The following NSD2 variants were observed in gnomAD, a reference collection of about 807,000 sequenced individuals.
NSD2 encodes the protein histone-lysine N-methyltransferase NSD2.
NSD2 carries 12 observed loss-of-function variants against 139.0 expected under a neutral mutation model. The ratio of observed to expected loss-of-function variants is 0.09; its 90% CI spans 0.06 to 0.14. NSD2 has a LOEUF of 0.14. NSD2 is among the 10% of genes least tolerant of loss of function. NSD2 has a pLI of 1.00. For missense variants in NSD2, 1,155 were observed against 1,745.0 expected (o/e 0.66, Z 6.02); for synonymous variants, 669 against 648.7 (o/e 1.03, Z -0.48).
rs1235457134 is a variant in NSD2, at chr4:1,953,386, C to A, written c.2200C>A (p.Gln734Lys). ...KTDVKRCVVT[Q>K]CGKFYHEACV... ...AGATGTTAAGCGCTGTGTGGTAACT[C>A]AGTGTGGAAAATTTTACCATGAGGC... Residue 734 changes from glutamine (Q) to lysine (K), a missense_variant, in exon 12 of 22, where the codon CAG (glutamine) becomes AAG (lysine). Physicochemically the swap from Gln to Lys is moderately conservative, Grantham distance 53. Coordinates refer to ENST00000508803, the MANE Select transcript of NSD2 (RefSeq NM_001042424.3). 1 of 1,614,080 alleles carries A rather than the reference C, an allele frequency of 6.2e-7. No homozygotes were observed.
At chr4:1,977,668 C>T (rs367568269) in intron 21 of NSD2, among the ~76,000 whole-genome samples, 44 of 151,708 alleles carry the variant, frequency 2.9e-4, no homozygotes, top group African/African-American at 7.0e-4. Context: ...CCCAGCTATT[C>T]GGGAGGCTGA....
At chr4:1,963,970 C>T (rs1490877841) in intron 18 of NSD2, among the ~76,000 whole-genome samples, 1 of 152,178 alleles carries the variant, frequency 6.6e-6, no homozygotes, top group Admixed American at 6.5e-5. Context: ...TATATTCCAG[C>T]CTGGGGGACG....
At chr4:1,891,463 A>C (rs1715538776) in intron 1 of NSD2, among the ~76,000 whole-genome samples, 1 of 152,278 alleles carries the variant, frequency 6.6e-6, no homozygotes, top group South Asian at 2.1e-4. Context: ...CCTTCTGCTC[A>C]GTTGGATTCA....
intron 3 of NSD2, among the ~76,000 whole-genome samples, chr4:1,915,600 G>A (rs1225187079): frequency 1.3e-5 from 2 of 152,072 alleles, no homozygotes; most frequent in African/African-American, 4.8e-5. Context: ...TGCTTCCCTG[G>A]GTCCAGGGGT....
intron 3 of NSD2, among the ~76,000 whole-genome samples, chr4:1,905,140 AAAAG>A (rs1306156641): frequency 6.6e-6 from 1 of 152,190 alleles, no homozygotes. Flanking sequence ...CACAAAAAAA[AAAAG>A]AATGTTATAT....
At chr4:1,905,500 G>T (rs1166806280) in intron 3 of NSD2, among the ~76,000 whole-genome samples, 4 of 152,248 alleles carry the variant, frequency 2.6e-5, no homozygotes, top group Admixed American at 1.3e-4. Flanking sequence ...GAGCTCCTGT[G>T]GGGGCAGCGT....
rs571382117 is a variant in NSD2 at position 1,904,100 on chromosome 4, C to G, written c.598-116C>G. 1.0e-5 allele frequency: 12 copies of G among 1,175,050 alleles called. No homozygotes were observed. The East Asian group carries it at 2.8e-4, about 27-fold the overall frequency. 72.8% of individuals were successfully genotyped at this position (1,175,050 alleles called of 1,614,324 possible). A position where few individuals can be genotyped will look rare whatever the true frequency, so the allele number is the denominator to read the frequency against. On this transcript the variant is annotated intron_variant, in intron 2 of 21. Coordinates refer to ENST00000508803, the MANE Select transcript of NSD2 (RefSeq NM_001042424.3). ...CTAAAACACAGCAAGGGAGCACACT[C>G]CATTTTTGGGGGTCTGTGTGTATTT...
intron 3 of NSD2, among the ~76,000 whole-genome samples, chr4:1,908,815 C>G (rs1271114560): frequency 6.6e-6 from 1 of 152,088 alleles, no homozygotes; most frequent in Non-Finnish European, 1.5e-5. Flanking sequence ...GGCTCTGTTG[C>G]TCTGTCCAGG....
chr4:1,957,284 T>G (rs921454716), intron 15 of NSD2, among the ~76,000 whole-genome samples: 3 of 151,194 alleles, frequency 2.0e-5, no homozygotes, highest in African/African-American at 4.9e-5. Context: ...GTTTTTTTGT[T>G]TTTGTTTTTT....
rs1463521248 is a variant in NSD2, at chr4:1,879,755, T to C, written c.-30+8213T>C. Among the ~76,000 whole-genome samples the C allele has an allele frequency of 7.9e-5, 12 of 152,082 alleles. No homozygotes were observed. The East Asian group carries it at 2.1e-3, about 27-fold the overall frequency. On this transcript the variant is annotated intron_variant, in intron 1 of 21. Coordinates refer to ENST00000508803, the MANE Select transcript of NSD2 (RefSeq NM_001042424.3). ...TGCTGTGGTGGTTTTATGGCTCACC[T>C]CTCATCTCTGTGAAGCCTTTCCCTA...
chr4:1,887,206 C>CT (rs1715178976), intron 1 of NSD2, among the ~76,000 whole-genome samples: 1 of 152,126 alleles, frequency 6.6e-6, no homozygotes, highest in Non-Finnish European at 1.5e-5. Context: ...TGTGGTCTAT[C>CT]CTATGAGGCT....
intron 1 of NSD2, among the ~76,000 whole-genome samples, chr4:1,888,275 G>T (rs1715266490): frequency 6.6e-6 from 1 of 151,884 alleles, no homozygotes; most frequent in Non-Finnish European, 1.5e-5. Flanking sequence ...AGCCAGGCCT[G>T]GTGTTGGGCA....
chr4:1,872,589 TGTGAGAGAGAGAGA>T (rs1369860324), intron 1 of NSD2, among the ~76,000 whole-genome samples: 278 of 44,406 alleles, frequency 6.3e-3, no homozygotes, highest in African/African-American at 0.018. Context: ...TGTGTGTGTG[TGTGAGAGAGAGAGA>T]GAGAGAGAGA....
rs571191436 is a variant in NSD2 at position 1,981,342 on chromosome 4, C to T, written c.*2433C>T. The T allele has an allele frequency of 1.8e-4, 41 of 233,298 alleles. No homozygotes were observed. Among genetic ancestry groups the T allele is most frequent in the Non-Finnish European group, 3.0e-4 (36 of 118,140 alleles). The allele number at this position is 233,298 out of a possible 1,614,324, so 14.5% of individuals were successfully genotyped here. A position where few individuals can be genotyped will look rare whatever the true frequency, so the allele number is the denominator to read the frequency against. On this transcript the variant is annotated 3_prime_UTR_variant, in exon 22 of 22. Coordinates refer to ENST00000508803, the MANE Select transcript of NSD2 (RefSeq NM_001042424.3). Reference sequence around the variant, plus strand: ...TTTCTCGCCACTGGGGCTGACCACGCCCCCAGCTGTGACCGTGGGTGTGGC... The same window carrying T: ...TTTCTCGCCACTGGGGCTGACCACGTCCCCAGCTGTGACCGTGGGTGTGGC...
At chr4:1,975,204 G>C in intron 19 of NSD2, 90 bp from the exon 20 acceptor site, 1 of 1,418,296 alleles carries the variant, frequency 7.1e-7, no homozygotes, top group Non-Finnish European at 9.9e-7. Flanking sequence ...AAAATAATAA[G>C]AGTATTTTTG....
intron 1 of NSD2, among the ~76,000 whole-genome samples, chr4:1,886,462 C>T (rs1417749159): frequency 6.6e-6 from 1 of 152,204 alleles, no homozygotes; most frequent in African/African-American, 2.4e-5. Flanking sequence ...TCATCTTGGC[C>T]TCTGAAAGTT....
chr4:1,917,095 G>A (rs188675749), intron 4 of NSD2, 58 bp downstream of exon 4: 2,004 of 1,457,350 alleles, frequency 1.4e-3, no homozygotes, highest in Non-Finnish European at 1.7e-3. Flanking sequence ...TATTCTTTAA[G>A]TTAACTTATT....
Position 1,979,405 on chromosome 4 carries a change from A to G in NSD2, c.*496A>G, listed in dbSNP as rs1441553524. ...TGGATTCCTCGAAACTGCCATTGTG[A>G]TCATTACTCTGCTCTTTGGAAATGG... On this transcript the variant is annotated 3_prime_UTR_variant, in exon 22 of 22. Coordinates refer to ENST00000508803, the MANE Select transcript of NSD2 (RefSeq NM_001042424.3). The G allele has an allele frequency of 1.3e-5, 3 of 234,562 alleles. No individual in the cohort carries two copies. The highest frequency in any genetic ancestry group is 2.5e-5 in the Non-Finnish European group (3 of 119,152). The allele number at this position is 234,562 out of a possible 1,614,324, so 14.5% of individuals were successfully genotyped here. A position where few individuals can be genotyped will look rare whatever the true frequency, so the allele number is the denominator to read the frequency against.
intron 5 of NSD2, among the ~76,000 whole-genome samples, chr4:1,926,983 C>T (rs924282741): frequency 2.0e-5 from 3 of 152,116 alleles, no homozygotes; most frequent in East Asian, 1.9e-4. Flanking sequence ...ATTTGGCAAC[C>T]GCTTAGCTTA....
Sources: allele counts gnomAD v4.1 joint callset (sites outside exome capture counted in the v4.1 genomes callset), GRCh38; gene constraint gnomAD v4.1.1; transcripts MANE v1.5; gene names NCBI Gene and HGNC (gene_info 2026-07-23, HGNC 2026-07-21).